TENM2: variants seen among roughly 807,000 people sequenced by gnomAD.
The protein encoded by TENM2 is teneurin transmembrane protein 2, also known as teneurin-2.
A neutral mutation model predicts 245.2 loss-of-function variants in TENM2; 52 were observed. The ratio of observed to expected loss-of-function variants is 0.21; its 90% CI spans 0.17 to 0.27. TENM2 has a LOEUF of 0.27. Ranked by LOEUF, TENM2 falls within the 10% of genes least tolerant of loss-of-function variation. The pLI is 1.00. For synonymous variants in TENM2, 1,363 were observed against 1,438.9 expected (o/e 0.95, Z 1.19); for missense variants, 3,046 against 3,666.8 (o/e 0.83, Z 4.37).
Position 167,479,697 on chromosome 5 carries a change from C to T in TENM2, c.502+104224C>T, listed in dbSNP as rs371132596. Reference sequence around the variant, plus strand: ...TAGCTTCTTAGATTTATTGGCATCACGTTTTTTACTCTGCATTGTGGTAGC... The same window carrying T: ...TAGCTTCTTAGATTTATTGGCATCATGTTTTTTACTCTGCATTGTGGTAGC... On this transcript the variant is annotated intron_variant, in intron 2 of 28. Transcript: ENST00000518659. Among the ~76,000 whole-genome samples the T allele has an allele frequency of 4.6e-5, 7 of 152,232 alleles. No individual in the cohort carries two copies. In the East Asian group the frequency reaches 9.7e-4, roughly 21 times the overall value.
At chr5:167,987,711 C>T (rs553224410) in intron 4 of TENM2, among the ~76,000 whole-genome samples, 129 of 152,058 alleles carry the variant, frequency 8.5e-4, no homozygotes, top group South Asian at 7.7e-3. Context: ...CACTGAGTGC[C>T]GCGTTAAAAA....
intron 3 of TENM2, among the ~76,000 whole-genome samples, chr5:167,916,533 G>A (rs1422086837): frequency 1.3e-5 from 2 of 152,106 alleles, no homozygotes; most frequent in African/African-American, 4.8e-5. Flanking sequence ...CTGCTGAACT[G>A]TGTGTTATAC....
chr5:167,467,239 T>G (rs1194479151), intron 2 of TENM2, among the ~76,000 whole-genome samples: 3 of 152,100 alleles, frequency 2.0e-5, no homozygotes, highest in African/African-American at 7.2e-5. Flanking sequence ...GATGGTTTTA[T>G]AAGTGTTTGA....
Position 168,140,300 on chromosome 5 carries a change from A to G in TENM2, c.2422+13334A>G, listed in dbSNP as rs753231691. 5.9e-4 allele frequency among the ~76,000 whole-genome samples: 90 copies of G among 152,198 alleles called. 1 individual carries two copies. The highest frequency in any genetic ancestry group is 1.3e-4 in the Non-Finnish European group (9 of 68,042). On this transcript the variant is annotated intron_variant, in intron 12 of 28. Coordinates refer to ENST00000518659, the Ensembl canonical transcript of TENM2. ...AACACAATGAGCAACAACAGAAAGT[A>G]TTTTACACAAAGCAGCTAGGTGGAC...
intron 2 of TENM2, among the ~76,000 whole-genome samples, chr5:167,789,946 A>G (rs1413559272): frequency 6.6e-6 from 1 of 152,160 alleles, no homozygotes; most frequent in Non-Finnish European, 1.5e-5. Context: ...TCATTATACA[A>G]TTTTCATACT....
chr5:167,351,046 A>G (rs995429539), intron 1 of TENM2, among the ~76,000 whole-genome samples: 1 of 135,340 alleles, frequency 7.4e-6, no homozygotes, highest in East Asian at 2.7e-4. Context: ...ATGGATATAT[A>G]TATATGGGAT....
intron 25 of TENM2, among the ~76,000 whole-genome samples, chr5:168,233,565 T>C (rs1581713125): frequency 6.6e-6 from 1 of 152,344 alleles, no homozygotes. Flanking sequence ...ATCCTTCCAC[T>C]GCAAGAGACA....
At chr5:167,628,354 C>T (rs1778650636) in intron 2 of TENM2, among the ~76,000 whole-genome samples, 1 of 152,194 alleles carries the variant, frequency 6.6e-6, no homozygotes, top group Non-Finnish European at 1.5e-5. Context: ...ATAGGTGTGA[C>T]CCAGAGGCCA....
At chr5:167,349,604 A>C (rs888913) in intron 1 of TENM2, among the ~76,000 whole-genome samples, 95,789 of 151,950 alleles carry the variant, frequency 0.63, 30,466 homozygotes, top group Admixed American at 0.68. Flanking sequence ...ATTACTATAT[A>C]TACACACACA....
intron 2 of TENM2, among the ~76,000 whole-genome samples, chr5:167,785,868 T>G: frequency 6.6e-6 from 1 of 152,196 alleles, no homozygotes; most frequent in Non-Finnish European, 1.5e-5. Context: ...AAATAATTTC[T>G]GTCCATCCCT....
chr5:167,384,631 T>C (rs1761306282), intron 2 of TENM2, among the ~76,000 whole-genome samples: 1 of 152,204 alleles, frequency 6.6e-6, no homozygotes, highest in Non-Finnish European at 1.5e-5. Flanking sequence ...TGAAAGTTTA[T>C]GTGAGCAAAG....
At chr5:167,220,381 CT>C in the TENM2 span, among the ~76,000 whole-genome samples, 2 of 152,164 alleles carry the variant, frequency 1.3e-5, no homozygotes, top group African/African-American at 4.8e-5. Flanking sequence ...AAGAACCCAA[CT>C]TGTGGATATT....
At chr5:167,633,563 G>A (rs1459121782) in intron 2 of TENM2, among the ~76,000 whole-genome samples, 1 of 152,178 alleles carries the variant, frequency 6.6e-6, no homozygotes, top group Non-Finnish European at 1.5e-5. Context: ...ATATCAGGTA[G>A]AGTTTCATCT....
At chr5:167,145,215 G>A in the TENM2 span, among the ~76,000 whole-genome samples, 1 of 152,338 alleles carries the variant, frequency 6.6e-6, no homozygotes, top group African/African-American at 2.4e-5. Flanking sequence ...CAGTCTTGGG[G>A]ATTTGGACAC....
intron 2 of TENM2, among the ~76,000 whole-genome samples, chr5:167,532,826 G>GTATATATATATATATATA (rs148505748): frequency 3.5e-5 from 5 of 144,516 alleles, no homozygotes; most frequent in African/African-American, 1.0e-4. Context: ...GTGTGTGTGT[G>GTATATATATATATATATA]TATATATATA....
At chr5:167,188,589 C>G in the TENM2 span, among the ~76,000 whole-genome samples, 15 of 152,056 alleles carry the variant, frequency 9.9e-5, no homozygotes, top group Non-Finnish European at 1.8e-4. Context: ...TGACAACAAA[C>G]TGTTTATAAA....
the TENM2 span, among the ~76,000 whole-genome samples, chr5:167,109,605 AC>A: frequency 6.6e-6 from 1 of 151,810 alleles, no homozygotes; most frequent in Non-Finnish European, 1.5e-5. Context: ...AGTGCTATAA[AC>A]CCTTTAATAC....
intron 3 of TENM2, among the ~76,000 whole-genome samples, chr5:167,949,356 T>G (rs756052416): frequency 1.3e-5 from 2 of 152,196 alleles, no homozygotes; most frequent in Admixed American, 6.5e-5. Flanking sequence ...CTTTGAATTT[T>G]TGATAATATT....
At chr5:168,093,544 A>G (rs1793121994) in intron 8 of TENM2, among the ~76,000 whole-genome samples, 1 of 152,202 alleles carries the variant, frequency 6.6e-6, no homozygotes, top group Non-Finnish European at 1.5e-5. Context: ...AAAATGTTAG[A>G]CAGGTGCCTA....
Sources: allele counts gnomAD v4.1 joint callset (sites outside exome capture counted in the v4.1 genomes callset), GRCh38; gene constraint gnomAD v4.1.1; transcripts MANE v1.5; gene names NCBI Gene and HGNC (gene_info 2026-07-23, HGNC 2026-07-21).